The following GYS2 variants were observed in gnomAD, a reference collection of about 807,000 sequenced individuals.
GYS2 encodes glycogen [starch] synthase, liver.
GYS2 carries 80 observed loss-of-function variants against 85.6 expected under a neutral mutation model. The observed-to-expected ratio is 0.93, with a 90% CI of 0.78 to 1.13. GYS2 has a LOEUF of 1.13. Ranked by LOEUF, GYS2 falls within the 50% of genes most tolerant of loss-of-function variation. The pLI, the probability that GYS2 is intolerant of heterozygous loss-of-function variation, is 0.00. For missense variants in GYS2, 881 were observed against 854.9 expected, an observed-to-expected ratio of 1.03 and a Z score of -0.38; for synonymous variants, 328 against 300.7, an observed-to-expected ratio of 1.09 and a Z score of -0.94.
In GYS2 at chr12:21,558,200, C is replaced by A; in HGVS notation, c.1422G>T (p.Lys474Asn). 1 of 1,569,788 alleles carries A rather than the reference C, an allele frequency of 6.4e-7. No homozygotes were observed. Among genetic ancestry groups the A allele is most frequent in the Admixed American group, 1.7e-5 (1 of 59,948 alleles). Residue 474 changes from lysine to asparagine, a missense_variant and splice_region_variant, in exon 11 of 16, where the codon AAG becomes AAT. Transcript: ENST00000261195. Reference sequence around the variant, plus strand: ...TCGCCACATGAACAATTTGTTCTACCTTGACTCTATCTGTGCGGTTGTTGA... The same window carrying A: ...TCGCCACATGAACAATTTGTTCTACATTGACTCTATCTGTGCGGTTGTTGA... Reference protein sequence around the residue: ...GLFNNRTDRVKVILHPEFLSS... With the variant: ...GLFNNRTDRVNVILHPEFLSS...
At chr12:21,544,280 G>C (rs1174387702) in intron 12 of GYS2, among the ~76,000 whole-genome samples, 1 of 152,074 alleles carries the variant, frequency 6.6e-6, no homozygotes, top group Non-Finnish European at 1.5e-5. Flanking sequence ...CATTCACTAT[G>C]GACTATTCCA....
chr12:21,584,199 C>T (rs574391915), intron 1 of GYS2, among the ~76,000 whole-genome samples: 118 of 152,226 alleles, frequency 7.8e-4, no homozygotes, highest in African/African-American at 2.8e-3. Flanking sequence ...GGAGAAATGG[C>T]CAGATTTGCG....
At chr12:21,565,480 G>T (rs1291864582) in intron 5 of GYS2, among the ~76,000 whole-genome samples, 1 of 140,150 alleles carries the variant, frequency 7.1e-6, no homozygotes, top group Non-Finnish European at 1.5e-5. Flanking sequence ...TAGGTTATTT[G>T]TATGTAATGG....
At position 21,536,567 on chromosome 12, in the gene GYS2, G is replaced by A. The variant is rs193206230; in HGVS notation, c.*387C>T. The A allele has an allele frequency of 2.3e-4, 53 of 231,834 alleles. No homozygotes were observed. Among genetic ancestry groups the A allele is most frequent in the African/African-American group, 1.2e-3 (51 of 43,060 alleles). The allele number at this position is 231,834 out of a possible 1,614,324, so 14.4% of individuals were successfully genotyped here. On this transcript the variant is annotated 3_prime_UTR_variant, in exon 16 of 16. Coordinates refer to ENST00000261195, the MANE Select transcript of GYS2 (RefSeq NM_021957.4). ...TGGGTAAGATCAAGGTTTTCGGGGG[G>A]GAAATGGGAAATTTGTGTGGTGGGG...
chr12:21,568,019 C>G (rs1001908376), intron 5 of GYS2, among the ~76,000 whole-genome samples: 2 of 151,652 alleles, frequency 1.3e-5, no homozygotes, highest in Non-Finnish European at 2.9e-5. Flanking sequence ...CTGCAGTGAG[C>G]TGAGATCACG....
At chr12:21,546,226 A>G (rs1944037625) in intron 12 of GYS2, 118 bp downstream of exon 12, 8 of 761,330 alleles carry the variant, frequency 1.1e-5, no homozygotes, top group East Asian at 3.0e-5. Flanking sequence ...ATTTTTTAAA[A>G]CTGAAGAATT....
At chr12:21,550,188 C>G (rs913535130) in intron 11 of GYS2, among the ~76,000 whole-genome samples, 20 of 152,054 alleles carry the variant, frequency 1.3e-4, no homozygotes, top group Non-Finnish European at 4.4e-5. Context: ...TAAAATCAGC[C>G]AATTCTAAAG....
intron 5 of GYS2, among the ~76,000 whole-genome samples, chr12:21,564,566 A>C (rs575920519): frequency 1.3e-5 from 2 of 152,338 alleles, no homozygotes; most frequent in African/African-American, 2.4e-5. Flanking sequence ...TTTATTAAGT[A>C]ATCTGACCTT....
chr12:21,568,775 T>A, intron 5 of GYS2, 90 bp downstream of exon 5: 1 of 1,164,016 alleles, frequency 8.6e-7, no homozygotes, highest in Non-Finnish European at 1.3e-6. Context: ...CAATTTTTCC[T>A]CAAACTACTA....
intron 5 of GYS2, 89 bp downstream of exon 5, chr12:21,568,776 C>G (rs1342139163): frequency 1.7e-6 from 2 of 1,176,462 alleles, no homozygotes; most frequent in East Asian, 4.7e-5. Context: ...AATTTTTCCT[C>G]AAACTACTAC....
intron 11 of GYS2, among the ~76,000 whole-genome samples, 158 bp from the exon 12 acceptor site, chr12:21,546,628 C>T (rs933878119): frequency 2.0e-5 from 3 of 152,012 alleles, no homozygotes; most frequent in Non-Finnish European, 2.9e-5. Flanking sequence ...AGAAAAAAGC[C>T]GTGGTGGTTT....
chr12:21,562,772 G>T, intron 7 of GYS2, 146 bp downstream of exon 7: 17 of 709,502 alleles, frequency 2.4e-5, no homozygotes, highest in Non-Finnish European at 2.6e-5. Flanking sequence ...ACTCCAATAT[G>T]TAAATTGAAA....
rs370217725 is a variant in GYS2 at position 21,537,149 on chromosome 12, A to C, written c.1917T>G (p.Pro639=). 2.3e-5 allele frequency: 37 copies of C among 1,613,632 alleles called. 1 individual carries two copies. Among genetic ancestry groups the C allele is most frequent in the Non-Finnish European group, 3.1e-5 (37 of 1,179,702 alleles). Residue 639 remains proline, a synonymous_variant, in exon 16 of 16, where the codon CCT becomes CCG. Transcript: ENST00000261195. The part of the protein sequence containing the change: ...PTTEGFKYPR[P]SSVPPSPSGS... ...CTGAAGGAGAAGGTGGTACTGAGGA[A>C]GGCCTGGGATATTTAAATCCTTCTG...
At chr12:21,582,594 G>T (rs7975083) in intron 1 of GYS2, among the ~76,000 whole-genome samples, 34 of 148,926 alleles carry the variant, frequency 2.3e-4, no homozygotes, top group Admixed American at 1.5e-3. Flanking sequence ...TAGATATAGA[G>T]ATAGATATAG....
intron 13 of GYS2, among the ~76,000 whole-genome samples, chr12:21,541,803 C>T (rs983136316): frequency 1.3e-5 from 2 of 151,956 alleles, no homozygotes; most frequent in African/African-American, 4.8e-5. Context: ...ATCCCATCGC[C>T]CAGGTGATTA....
chr12:21,556,075 CTCTT>C (rs1252472154), intron 11 of GYS2, among the ~76,000 whole-genome samples: 1 of 152,198 alleles, frequency 6.6e-6, no homozygotes, highest in Non-Finnish European at 1.5e-5. Flanking sequence ...TTATTTTCTG[CTCTT>C]TCTTTCCCTG....
intron 3 of GYS2, among the ~76,000 whole-genome samples, chr12:21,575,509 C>A (rs1283222564): frequency 6.6e-6 from 1 of 151,872 alleles, no homozygotes; most frequent in African/African-American, 2.4e-5. Context: ...ACCTGGAAAG[C>A]TTATTAAACA....
chr12:21,575,660 GT>G (rs940607293), intron 3 of GYS2, among the ~76,000 whole-genome samples: 2 of 151,992 alleles, frequency 1.3e-5, no homozygotes, highest in African/African-American at 4.8e-5. Context: ...TTGACATGAG[GT>G]AAATAGTAAT....
chr12:21,569,376 C>A (rs958802277), intron 4 of GYS2, among the ~76,000 whole-genome samples: 1 of 151,978 alleles, frequency 6.6e-6, no homozygotes, highest in African/African-American at 2.4e-5. Context: ...ATATATTTTC[C>A]CATAAACAAT....
Sources: allele counts gnomAD v4.1 joint callset (sites outside exome capture counted in the v4.1 genomes callset), GRCh38; gene constraint gnomAD v4.1.1; transcripts MANE v1.5; gene names NCBI Gene and HGNC (gene_info 2026-07-23, HGNC 2026-07-21).